Variants in CSMD1 observed in about 807,000 individuals in gnomAD.
CSMD1 encodes the protein CUB and sushi domain-containing protein 1.
CSMD1 carries 213 observed loss-of-function variants against 417.5 expected under a neutral mutation model. That is an observed-to-expected ratio of 0.51 (90% CI 0.46 to 0.57). CSMD1 has a LOEUF of 0.57. CSMD1 is among the 20% of genes least tolerant of loss of function. The pLI is 0.00. For synonymous variants in CSMD1, 2,862 were observed against 1,736.8 expected (o/e 1.65, Z -16.11); for missense variants, 6,923 against 4,529.7 (o/e 1.53, Z -15.17).
chr8:3,448,355 G>T, intron 12 of CSMD1, among the ~76,000 whole-genome samples: 1 of 3,442 alleles, frequency 2.9e-4, no homozygotes, highest in Non-Finnish European at 8.3e-4. Context: ...GAGGAAGGAA[G>T]AAGGAAGAAG....
rs773296700 is a variant in CSMD1 at position 3,997,981 on chromosome 8, G to A, written c.740C>T (p.Ala247Val). 2 of 1,610,906 alleles carry A rather than the reference G, an allele frequency of 1.2e-6. No individual in the cohort carries two copies. The highest frequency in any genetic ancestry group is 1.7e-6 in the Non-Finnish European group (2 of 1,178,488). Reference sequence around the variant, plus strand: ...TAGCTGAAAGTCAGTGAAGACCAGCGCAATGGTGTCCCCGGGCTCAGCCAG... The same window carrying A: ...TAGCTGAAAGTCAGTGAAGACCAGCACAATGGTGTCCCCGGGCTCAGCCAG... ...TILAEPGDTIALVFTDFQLEE... is the reference protein window; with the variant it reads ...TILAEPGDTIVLVFTDFQLEE... Residue 247 changes from alanine (A) to valine (V), a missense_variant, in exon 5 of 70, where the codon GCG becomes GTG. By Grantham distance (64) the Ala-to-Val change is moderately conservative (BLOSUM62 0). Coordinates refer to ENST00000635120, the MANE Select transcript of CSMD1 (RefSeq NM_033225.6).
intron 5 of CSMD1, among the ~76,000 whole-genome samples, chr8:3,796,603 AATGTATAG>A (rs1480287320): frequency 6.8e-6 from 1 of 147,558 alleles, no homozygotes; most frequent in Non-Finnish European, 1.5e-5. Context: ...ATATATCTAT[AATGTATAG>A]ATGTATAGAT....
At chr8:4,536,593 G>A (rs575796735) in intron 2 of CSMD1, among the ~76,000 whole-genome samples, 7 of 152,118 alleles carry the variant, frequency 4.6e-5, no homozygotes, top group African/African-American at 9.7e-5. Flanking sequence ...ATATCCTGCC[G>A]TTTAGTGGCT....
chr8:3,237,170 G>A (rs1196890197), intron 26 of CSMD1, among the ~76,000 whole-genome samples: 1 of 151,590 alleles, frequency 6.6e-6, no homozygotes, highest in Non-Finnish European at 1.5e-5. Flanking sequence ...TATATATATA[G>A]TCTCACAACT....
intron 1 of CSMD1, among the ~76,000 whole-genome samples, chr8:4,754,411 G>C (rs912579099): frequency 2.6e-5 from 4 of 151,922 alleles, no homozygotes; most frequent in Non-Finnish European, 4.4e-5. Flanking sequence ...ATCCCAACTG[G>C]GTCACATACA....
At chr8:4,486,784 C>T (rs1801437819) in intron 2 of CSMD1, among the ~76,000 whole-genome samples, 1 of 152,154 alleles carries the variant, frequency 6.6e-6, no homozygotes, top group Admixed American at 6.5e-5. Flanking sequence ...ATAAACGATC[C>T]TGAAAACTGC....
At position 3,897,986 on chromosome 8, in the gene CSMD1, C is replaced by A. The variant is rs192763682; in HGVS notation, c.818+99917G>T. Reference sequence around the variant, plus strand: ...AAAATCAAAATCTAGTCACGGAGAACTGGAGAGCTCCTAGGAGGTGCCCAG... The same window carrying A: ...AAAATCAAAATCTAGTCACGGAGAAATGGAGAGCTCCTAGGAGGTGCCCAG... On this transcript the variant is annotated intron_variant, in intron 5 of 69. Transcript: ENST00000635120. 1.5e-3 allele frequency among the ~76,000 whole-genome samples: 232 copies of A among 152,268 alleles called. 1 individual carries two copies. The Middle Eastern group carries it at 0.017, about 11-fold the overall frequency.
At chr8:4,451,625 T>A (rs547971318) in intron 2 of CSMD1, among the ~76,000 whole-genome samples, 5 of 152,254 alleles carry the variant, frequency 3.3e-5, no homozygotes, top group African/African-American at 1.2e-4. Context: ...CAAGAAGGAA[T>A]CTACTAGAAG....
At chr8:3,559,885 AG>A (rs945548689) in intron 10 of CSMD1, among the ~76,000 whole-genome samples, 2 of 152,160 alleles carry the variant, frequency 1.3e-5, no homozygotes, top group African/African-American at 2.4e-5. Context: ...AGAATGGAAG[AG>A]GGGTTGAAGA....
rs1812549312 is a variant in CSMD1, at chr8:3,409,534, G to A, written c.1633C>T (p.His545Tyr). Residue 545 changes from histidine to tyrosine, a missense_variant, in exon 13 of 70, where the codon CAT becomes TAT. Transcript: ENST00000635120. Reference sequence around the variant, plus strand: ...CATTCAAAGGTGAGTGTATCTCCATGGAGGAAACTGCTGCCCGTCCGCTTC... The same window carrying A: ...CATTCAAAGGTGAGTGTATCTCCATAGAGGAAACTGCTGCCCGTCCGCTTC... ...YGKRTGSSFLHGDTLTFECPA... is the reference protein window; with the variant it reads ...YGKRTGSSFLYGDTLTFECPA... 1.9e-6 allele frequency: 3 copies of A among 1,611,268 alleles called. No individual in the cohort carries two copies. Among genetic ancestry groups the A allele is most frequent in the Non-Finnish European group, 2.5e-6 (3 of 1,178,828 alleles).
intron 5 of CSMD1, among the ~76,000 whole-genome samples, chr8:3,774,408 G>T (rs1798790467): frequency 6.6e-6 from 1 of 152,136 alleles, no homozygotes; most frequent in African/African-American, 2.4e-5. Flanking sequence ...TTTCAAAGAT[G>T]CCGTCAGCCT....
At chr8:3,825,100 G>C (rs116249237) in intron 5 of CSMD1, among the ~76,000 whole-genome samples, 7 of 152,100 alleles carry the variant, frequency 4.6e-5, no homozygotes, top group Non-Finnish European at 1.0e-4. Context: ...TTCAGGCCAG[G>C]CATTTTCGAG....
Position 3,687,260 on chromosome 8 carries a change from A to G in CSMD1, c.1009+21154T>C, listed in dbSNP as rs150380813. Among the ~76,000 whole-genome samples the G allele has an allele frequency of 4.7e-3, 722 of 152,306 alleles. 9 individuals are homozygous for G. Among genetic ancestry groups the G allele is most frequent in the African/African-American group, 0.016 (682 of 41,576 alleles). On this transcript the variant is annotated intron_variant, in intron 7 of 69. Coordinates refer to ENST00000635120, the MANE Select transcript of CSMD1 (RefSeq NM_033225.6). Reference sequence around the variant, plus strand: ...TTGTTGCTTTTAAGTCCAGCTTAGCATTTCCAGGACCAAAAAAGTCTGTGG... The same window carrying G: ...TTGTTGCTTTTAAGTCCAGCTTAGCGTTTCCAGGACCAAAAAAGTCTGTGG...
intron 1 of CSMD1, among the ~76,000 whole-genome samples, chr8:4,954,301 A>G (rs1808942956): frequency 1.3e-5 from 2 of 152,204 alleles, no homozygotes; most frequent in African/African-American, 2.4e-5. Flanking sequence ...TGCAAATAAC[A>G]GGTTTTAAAT....
intron 1 of CSMD1, among the ~76,000 whole-genome samples, chr8:4,907,740 A>AT (rs1805395199): frequency 7.7e-6 from 1 of 129,522 alleles, no homozygotes; most frequent in African/African-American, 2.9e-5. Context: ...TTTTTTTTTC[A>AT]TTTTTTGTAG....
chr8:3,556,314 A>T (rs574143621), intron 10 of CSMD1, among the ~76,000 whole-genome samples: 1 of 149,814 alleles, frequency 6.7e-6, no homozygotes, highest in African/African-American at 2.5e-5. Flanking sequence ...TCTGATAAAC[A>T]TCCTTCTACT....
intron 1 of CSMD1, among the ~76,000 whole-genome samples, chr8:4,959,463 G>A (rs868139030): frequency 1.3e-5 from 2 of 152,202 alleles, no homozygotes; most frequent in Admixed American, 1.3e-4. Flanking sequence ...GCACAGAGAG[G>A]CAACGCCCTC....
intron 5 of CSMD1, among the ~76,000 whole-genome samples, chr8:3,787,925 G>A (rs553898108): frequency 1.3e-4 from 20 of 152,152 alleles, no homozygotes; most frequent in Admixed American, 1.3e-3. Flanking sequence ...GTAGTTGTGA[G>A]GGGAAGGAGA....
intron 5 of CSMD1, among the ~76,000 whole-genome samples, chr8:3,887,330 G>A (rs116538068): frequency 1.3e-4 from 20 of 152,114 alleles, no homozygotes; most frequent in African/African-American, 4.6e-4. Flanking sequence ...TTTCTGAGAC[G>A]TTTTCAGGAT....
Sources: allele counts gnomAD v4.1 joint callset (sites outside exome capture counted in the v4.1 genomes callset), GRCh38; gene constraint gnomAD v4.1.1; transcripts MANE v1.5; gene names NCBI Gene and HGNC (gene_info 2026-07-23, HGNC 2026-07-21).